The following EHBP1 variants were observed in gnomAD, a reference collection of about 807,000 sequenced individuals.
EHBP1 encodes EH domain-binding protein 1.
In EHBP1, 55 loss-of-function variants were observed where a neutral mutation model predicts 144.0. The ratio of observed to expected loss-of-function variants is 0.38; its 90% CI spans 0.31 to 0.48. The LOEUF is 0.48. Ranked by LOEUF, EHBP1 falls within the 20% of genes least tolerant of loss-of-function variation. The pLI is 0.98. For synonymous variants in EHBP1, 469 were observed against 472.7 expected (o/e 0.99, Z 0.10); for missense variants, 1,200 against 1,364.2 (o/e 0.88, Z 1.90).
intron 5 of EHBP1, among the ~76,000 whole-genome samples, chr2:62,799,955 A>T (rs911956987): frequency 2.0e-5 from 3 of 152,218 alleles, no homozygotes; most frequent in African/African-American, 7.2e-5. Flanking sequence ...GTCACATTCA[A>T]AGTATATTGA....
chr2:62,842,465 C>T (rs2152725535), intron 7 of EHBP1, among the ~76,000 whole-genome samples: 2 of 152,320 alleles, frequency 1.3e-5, no homozygotes, highest in South Asian at 4.1e-4. Context: ...GTAAGCTCCA[C>T]CTCCTAATAC....
intron 9 of EHBP1, among the ~76,000 whole-genome samples, chr2:62,867,549 CAACAG>C: frequency 6.6e-6 from 1 of 152,020 alleles, no homozygotes; most frequent in Middle Eastern, 3.4e-3. Flanking sequence ...ATACCGAAAA[CAACAG>C]AACGTTGCTG....
In EHBP1 at chr2:63,008,664, G is replaced by A. The variant is rs531672390; in HGVS notation, c.3103+11898G>A. Among the ~76,000 whole-genome samples the A allele has an allele frequency of 9.5e-5, 13 of 137,468 alleles. No individual in the cohort carries two copies. In the South Asian group the frequency reaches 1.2e-3, roughly 12 times the overall value. The allele number at this position is 137,468 out of a possible 152,430, so 90.2% of individuals were successfully genotyped here. On this transcript the variant is annotated intron_variant, in intron 19 of 22. Coordinates refer to ENST00000431489, the MANE Select transcript of EHBP1 (RefSeq NM_001142616.3). ...TTGGCTTTCTGCCTTTTAGTTTTCC[G>A]TTTGCCTAAAAATAATAAATGTTAT...
chr2:62,945,020 A>G (rs1250391448), intron 12 of EHBP1, among the ~76,000 whole-genome samples: 1 of 152,252 alleles, frequency 6.6e-6, no homozygotes, highest in African/African-American at 2.4e-5. Flanking sequence ...TCTGAAATTT[A>G]GCATTTCCTT....
At chr2:62,909,345 G>C (rs962935068) in intron 10 of EHBP1, among the ~76,000 whole-genome samples, 1 of 152,108 alleles carries the variant, frequency 6.6e-6, no homozygotes, top group African/African-American at 2.4e-5. Flanking sequence ...ACCACGCCTG[G>C]TTAATTTTTG....
At chr2:63,034,011 A>G (rs2153353334) in intron 19 of EHBP1, among the ~76,000 whole-genome samples, 1 of 152,222 alleles carries the variant, frequency 6.6e-6, no homozygotes, top group Admixed American at 6.5e-5. Flanking sequence ...AACGGATTAA[A>G]AGAAAAAACT....
chr2:62,733,251 C>T (rs926689133), intron 2 of EHBP1, among the ~76,000 whole-genome samples: 2 of 152,158 alleles, frequency 1.3e-5, no homozygotes, highest in Non-Finnish European at 2.9e-5. Context: ...AGGAGTTGGG[C>T]TCTGTTTACT....
At chr2:62,858,434 C>T in intron 7 of EHBP1, 1 of 1,609,642 alleles carries the variant, frequency 6.2e-7, no homozygotes, top group East Asian at 2.2e-5. Context: ...ATGCTCTGAG[C>T]AGCTTAGATG....
At chr2:63,019,630 C>T (rs2060620196) in intron 19 of EHBP1, among the ~76,000 whole-genome samples, 3 of 151,548 alleles carry the variant, frequency 2.0e-5, no homozygotes, top group Non-Finnish European at 4.4e-5. Context: ...TCACTTGAAC[C>T]CAGAAGGTGG....
chr2:62,996,501 CAG>C lies in EHBP1; in HGVS notation c.2980-137_2980-136del, dbSNP rs1291392555. ...ATACATATGAAAATTTTTTGAATCA[CAG>C]AGAGTTGCTTTTTGGTACTAAGGGT... is the stretch of plus-strand genomic sequence containing the variant. On this transcript the variant is annotated intron_variant, in intron 18 of 22. Coordinates refer to ENST00000431489, the MANE Select transcript of EHBP1 (RefSeq NM_001142616.3). 5 of 964,572 alleles carry C rather than the reference CAG, an allele frequency of 5.2e-6. No homozygotes were observed. In the Admixed American group the frequency reaches 1.2e-4, roughly 23 times the overall value. The allele number at this position is 964,572 out of a possible 1,614,324, so 59.8% of individuals were successfully genotyped here. A position where few individuals can be genotyped will look rare whatever the true frequency, so the allele number is the denominator to read the frequency against.
intron 10 of EHBP1, among the ~76,000 whole-genome samples, chr2:62,927,795 C>G (rs1371869883): frequency 6.6e-6 from 1 of 152,134 alleles, no homozygotes. Flanking sequence ...TGCGCAACAA[C>G]AGAATGCACA....
At chr2:62,862,774 A>G (rs1158654689) in intron 8 of EHBP1, among the ~76,000 whole-genome samples, 1 of 152,248 alleles carries the variant, frequency 6.6e-6, no homozygotes. Flanking sequence ...AGCATTGCAT[A>G]GCATAATTAA....
chr2:62,712,303 A>G (rs112709234), intron 2 of EHBP1, among the ~76,000 whole-genome samples: 181 of 152,310 alleles, frequency 1.2e-3, no homozygotes, highest in African/African-American at 3.9e-3. Flanking sequence ...CTGTTTTCTC[A>G]GGGAAATGAT....
At chr2:62,884,340 C>T (rs1184063045) in intron 10 of EHBP1, among the ~76,000 whole-genome samples, 1 of 151,892 alleles carries the variant, frequency 6.6e-6, no homozygotes, top group Non-Finnish European at 1.5e-5. Context: ...TTTTTTGTTG[C>T]CTTCTGTATA....
At chr2:63,034,930 C>G (rs1229219645) in intron 19 of EHBP1, among the ~76,000 whole-genome samples, 1 of 152,022 alleles carries the variant, frequency 6.6e-6, no homozygotes, top group Admixed American at 6.6e-5. Flanking sequence ...AAGTTGCATT[C>G]TGCCCTTTAA....
At chr2:62,959,015 G>T (rs1354304309) in intron 14 of EHBP1, among the ~76,000 whole-genome samples, 1 of 152,118 alleles carries the variant, frequency 6.6e-6, no homozygotes, top group Non-Finnish European at 1.5e-5. Flanking sequence ...TATTCCTGTA[G>T]ATTAGTAACT....
chr2:62,842,829 G>C (rs2048012242), intron 7 of EHBP1, among the ~76,000 whole-genome samples: 1 of 152,116 alleles, frequency 6.6e-6, no homozygotes, highest in Admixed American at 6.5e-5. Context: ...CAGTTGTTTT[G>C]AGCAGTATTG....
chr2:62,743,256 T>C (rs2038882034), intron 2 of EHBP1, among the ~76,000 whole-genome samples: 1 of 152,166 alleles, frequency 6.6e-6, no homozygotes, highest in Non-Finnish European at 1.5e-5. Flanking sequence ...GGCTTTACAT[T>C]GAAAGTGTCA....
chr2:62,842,756 T>C (rs1188136560), intron 7 of EHBP1, among the ~76,000 whole-genome samples: 1 of 152,216 alleles, frequency 6.6e-6, no homozygotes, highest in African/African-American at 2.4e-5. Flanking sequence ...GGCTTTTGAT[T>C]AAAACTAAAT....
Sources: gnomAD v4.1 joint callset for allele counts (sites outside exome capture counted in the v4.1 genomes callset) on GRCh38, gnomAD v4.1.1 for gene constraint, MANE v1.5 for transcripts, NCBI Gene and HGNC (gene_info 2026-07-23, HGNC 2026-07-21) for gene names.